Variants in PARD3B observed in about 807,000 individuals in gnomAD.
PARD3B encodes par-3 family cell polarity regulator beta.
A neutral mutation model predicts 130.2 loss-of-function variants in PARD3B; 103 were observed. The ratio of observed to expected loss-of-function variants is 0.79; its 90% confidence interval spans 0.67 to 0.93. The LOEUF is 0.93. Among genes scored for constraint, PARD3B ranks in the 40% least tolerant of loss-of-function variants. The pLI, the probability that PARD3B is intolerant of heterozygous loss-of-function variation, is 0.00. For synonymous variants in PARD3B, 583 were observed against 553.2 expected (o/e 1.05, Z -0.76); for missense variants, 1,609 against 1,499.2 (o/e 1.07, Z -1.21).
chr2:205,180,340 T>G (rs946632099), intron 13 of PARD3B, among the ~76,000 whole-genome samples: 1 of 151,954 alleles, frequency 6.6e-6, no homozygotes, highest in Non-Finnish European at 1.5e-5. Flanking sequence ...ATAAACATGA[T>G]GCTATAAAAG....
At chr2:204,653,703 A>G (rs1382413690) in intron 1 of PARD3B, among the ~76,000 whole-genome samples, 1 of 148,608 alleles carries the variant, frequency 6.7e-6, no homozygotes, top group Non-Finnish European at 1.5e-5. Flanking sequence ...AGACAGGAGA[A>G]TTGCTTGAAC....
intron 19 of PARD3B, among the ~76,000 whole-genome samples, chr2:205,420,846 T>C (rs114525661): frequency 2.0e-5 from 3 of 152,270 alleles, no homozygotes; most frequent in East Asian, 3.9e-4. Context: ...TTTTGCCTTA[T>C]GAAAAATGCA....
intron 3 of PARD3B, among the ~76,000 whole-genome samples, chr2:205,012,665 G>A (rs1695809926): frequency 6.6e-6 from 1 of 152,164 alleles, no homozygotes; most frequent in Admixed American, 6.5e-5. Context: ...ATAGCTTAAC[G>A]CATACAACCG....
intron 22 of PARD3B, among the ~76,000 whole-genome samples, chr2:205,578,423 G>C (rs548919188): frequency 3.3e-5 from 5 of 152,158 alleles, no homozygotes; most frequent in Non-Finnish European, 7.3e-5. Flanking sequence ...TGACATTTAA[G>C]AAGTTACGAC....
chr2:205,464,606 G>A (rs978384633), intron 20 of PARD3B, among the ~76,000 whole-genome samples: 4 of 152,136 alleles, frequency 2.6e-5, no homozygotes, highest in African/African-American at 9.7e-5. Flanking sequence ...AAAAATATTA[G>A]CATTTATGGA....
intron 1 of PARD3B, among the ~76,000 whole-genome samples, chr2:204,553,448 A>G (rs1432430384): frequency 1.3e-5 from 2 of 151,442 alleles, no homozygotes; most frequent in Non-Finnish European, 2.9e-5. Flanking sequence ...ATACTTGCAC[A>G]TGCATGTTTA....
chr2:204,707,424 A>G (rs1391429539), intron 2 of PARD3B, among the ~76,000 whole-genome samples: 1 of 152,114 alleles, frequency 6.6e-6, no homozygotes, highest in East Asian at 1.9e-4. Flanking sequence ...CTTCTATTTT[A>G]TATGGATTTT....
chr2:204,553,538 GT>G (rs1161769782), intron 1 of PARD3B, among the ~76,000 whole-genome samples: 133 of 19,004 alleles, frequency 7.0e-3, no homozygotes, highest in Admixed American at 0.016. Context: ...AATCTGTGGG[GT>G]GTGTGTGTGT....
intron 18 of PARD3B, among the ~76,000 whole-genome samples, chr2:205,316,329 A>C (rs2042562538): frequency 6.6e-6 from 1 of 152,170 alleles, no homozygotes; most frequent in Non-Finnish European, 1.5e-5. Context: ...AAATGGGCCA[A>C]AATCACTAAC....
intron 22 of PARD3B, among the ~76,000 whole-genome samples, chr2:205,601,657 T>G (rs1455043668): frequency 6.6e-6 from 1 of 152,204 alleles, no homozygotes; most frequent in Non-Finnish European, 1.5e-5. Flanking sequence ...CTTTAATCCA[T>G]CTTGAGTTAA....
intron 15 of PARD3B, among the ~76,000 whole-genome samples, chr2:205,234,423 T>C (rs774249257): frequency 2.8e-4 from 43 of 152,202 alleles, no homozygotes; most frequent in Non-Finnish European, 5.3e-4. Flanking sequence ...AGAAAGTAGA[T>C]TTCAGAAAAA....
intron 15 of PARD3B, among the ~76,000 whole-genome samples, chr2:205,220,518 G>A (rs895879934): frequency 1.3e-5 from 2 of 152,164 alleles, no homozygotes; most frequent in Non-Finnish European, 2.9e-5. Flanking sequence ...TAACAAATAT[G>A]TATTGAGTGC....
chr2:205,100,043 T>C (rs1274966815), intron 4 of PARD3B, among the ~76,000 whole-genome samples: 3 of 152,168 alleles, frequency 2.0e-5, no homozygotes, highest in African/African-American at 4.8e-5. Flanking sequence ...CAAATTGTAA[T>C]TGATATTTCC....
Position 205,405,907 on chromosome 2 carries a change from G to A in PARD3B, c.2741+4784G>A, listed in dbSNP as rs1017859996. On this transcript the variant is annotated intron_variant, in intron 19 of 22. Transcript: ENST00000406610. This position sits in a 1 kb window ranked among gnomAD's most constrained non-coding sequence, Gnocchi z 4.1. ...TTAGTTGAGCATAAGTTTAGCATGAGTCAACATGTGGATATGCCTGCCAAA... is the reference window on the plus strand; with the variant it reads ...TTAGTTGAGCATAAGTTTAGCATGAATCAACATGTGGATATGCCTGCCAAA... Among the ~76,000 whole-genome samples, 2 of 152,184 alleles carry A rather than the reference G, an allele frequency of 1.3e-5. No homozygotes were observed. Among genetic ancestry groups the A allele is most frequent in the African/African-American group, 4.8e-5 (2 of 41,452 alleles).
chr2:204,977,063 C>T (rs1028003643), intron 3 of PARD3B, among the ~76,000 whole-genome samples: 4 of 152,160 alleles, frequency 2.6e-5, no homozygotes, highest in African/African-American at 9.7e-5. Context: ...TGGTTTTTCT[C>T]TCTTCAGACT....
intron 4 of PARD3B, among the ~76,000 whole-genome samples, chr2:205,095,690 CA>C (rs1356259369): frequency 6.6e-6 from 1 of 152,138 alleles, no homozygotes; most frequent in African/African-American, 2.4e-5. Context: ...TAAAAGCTCA[CA>C]GCTGTCTTTT....
At chr2:204,553,673 TA>T (rs1559152451) in intron 1 of PARD3B, among the ~76,000 whole-genome samples, 1 of 118,202 alleles carries the variant, frequency 8.5e-6, no homozygotes, top group African/African-American at 4.0e-5. Flanking sequence ...TATATATATA[TA>T]TATATATATA....
chr2:204,934,046 A>C (rs1035422560), intron 2 of PARD3B, among the ~76,000 whole-genome samples: 3 of 152,204 alleles, frequency 2.0e-5, no homozygotes, highest in African/African-American at 2.4e-5. Flanking sequence ...AGGGAGGCTT[A>C]AGTGTAACCA....
At chr2:204,741,931 C>T (rs2040025335) in intron 2 of PARD3B, among the ~76,000 whole-genome samples, 1 of 152,066 alleles carries the variant, frequency 6.6e-6, no homozygotes, top group Non-Finnish European at 1.5e-5. Context: ...ATTCAAAGTC[C>T]GGAGGTTCTC....
Sources: gnomAD v4.1 joint callset for allele counts (sites outside exome capture counted in the v4.1 genomes callset) on GRCh38, gnomAD v4.1.1 for gene constraint, Gnocchi (gnomAD v3.1) non-coding constraint, MANE v1.5 for transcripts, NCBI Gene and HGNC (gene_info 2026-07-23, HGNC 2026-07-21) for gene names.